METAP1: variants seen among roughly 807,000 people sequenced by gnomAD.
METAP1 encodes methionine aminopeptidase 1.
METAP1 carries 28 observed loss-of-function variants against 53.8 expected under a neutral mutation model. The observed-to-expected ratio is 0.52, with a 90% CI of 0.39 to 0.71. The LOEUF is 0.71. Among genes scored for constraint, METAP1 ranks in the 30% least tolerant of loss-of-function variants. The pLI, the probability that METAP1 is intolerant of heterozygous loss-of-function variation, is 0.00. For synonymous variants in METAP1, 181 were observed against 165.7 expected, an observed-to-expected ratio of 1.09 and a Z score of -0.71; for missense variants, 389 against 479.8, an observed-to-expected ratio of 0.81 and a Z score of 1.77.
At position 99,023,073 on chromosome 4, in the gene METAP1, G is replaced by A. The variant is rs573720810; in HGVS notation, c.115-5794G>A. 235 of 1,329,424 alleles carry A rather than the reference G, an allele frequency of 1.8e-4. 2 individuals are homozygous for A. The highest frequency in any genetic ancestry group is 1.4e-3 in the Middle Eastern group (6 of 4,170). The allele number at this position is 1,329,424 out of a possible 1,614,324, so 82.4% of individuals were successfully genotyped here. ...GCTCCTCCTCCACATCTAGTGTCTG[G>A]TCTGTCCCTTCCAGCGCCTTTGCTC... On this transcript the variant is annotated intron_variant, in intron 1 of 10. Coordinates refer to ENST00000296411, the MANE Select transcript of METAP1 (RefSeq NM_015143.3).
intron 1 of METAP1, chr4:99,025,518 C>G (rs1161446926): frequency 1.1e-6 from 1 of 925,524 alleles, no homozygotes; most frequent in Non-Finnish European, 1.3e-6. Flanking sequence ...AATAACATGG[C>G]TATTTATTTG....
chr4:99,005,115 T>C (rs1311309759), intron 1 of METAP1, among the ~76,000 whole-genome samples: 1 of 152,148 alleles, frequency 6.6e-6, no homozygotes, highest in Non-Finnish European at 1.5e-5. Flanking sequence ...AAAGTGGTTG[T>C]ACTTCAAAAT....
At chr4:99,019,277 G>C (rs1210314260) in intron 1 of METAP1, among the ~76,000 whole-genome samples, 1 of 152,122 alleles carries the variant, frequency 6.6e-6, no homozygotes, top group Non-Finnish European at 1.5e-5. Context: ...TTAATGGTTT[G>C]GTCCCACCTC....
intron 1 of METAP1, among the ~76,000 whole-genome samples, chr4:99,016,112 A>T (rs1378882845): frequency 6.6e-6 from 1 of 152,162 alleles, no homozygotes; most frequent in African/African-American, 2.4e-5. Flanking sequence ...TTGTACTGGG[A>T]ATTCCAAGGG....
intron 9 of METAP1, among the ~76,000 whole-genome samples, chr4:99,056,555 G>GTT (rs200434888): frequency 8.6e-5 from 13 of 151,066 alleles, no homozygotes; most frequent in South Asian, 2.1e-4. Flanking sequence ...TTTGTTTTTT[G>GTT]TTTTTTTTGT....
intron 1 of METAP1, chr4:99,022,417 G>C: frequency 1.4e-6 from 1 of 693,448 alleles, no homozygotes; most frequent in Non-Finnish European, 2.3e-6. Flanking sequence ...GTCCTAGGCA[G>C]TTGCCAGGTG....
intron 1 of METAP1, among the ~76,000 whole-genome samples, chr4:99,003,591 T>A (rs563601094): frequency 2.0e-4 from 30 of 152,346 alleles, no homozygotes; most frequent in Middle Eastern, 3.4e-3. Context: ...TAATTTAATA[T>A]TGCTTTTGAA....
chr4:99,002,843 G>T (rs1424759612), intron 1 of METAP1, among the ~76,000 whole-genome samples: 1 of 152,124 alleles, frequency 6.6e-6, no homozygotes, highest in Non-Finnish European at 1.5e-5. Context: ...GGGAGGCTGA[G>T]GCGGGCAGAT....
At chr4:98,998,188 G>A (rs1722729051) in intron 1 of METAP1, among the ~76,000 whole-genome samples, 1 of 152,164 alleles carries the variant, frequency 6.6e-6, no homozygotes, top group Admixed American at 6.5e-5. Flanking sequence ...CCTTGATCAA[G>A]TCACTGTAAC....
intron 4 of METAP1, among the ~76,000 whole-genome samples, chr4:99,036,453 A>T (rs1400979197): frequency 6.6e-6 from 1 of 152,124 alleles, no homozygotes; most frequent in Non-Finnish European, 1.5e-5. Flanking sequence ...AATTCTAACA[A>T]ATGTTATGCA....
chr4:99,025,461 A>G (rs1724493280), intron 1 of METAP1: 1 of 984,128 alleles, frequency 1.0e-6, no homozygotes, highest in South Asian at 4.7e-5. Flanking sequence ...AATAAGAATT[A>G]CCTACATAGC....
chr4:99,049,799 G>A (rs1726559367), intron 9 of METAP1, among the ~76,000 whole-genome samples: 1 of 152,134 alleles, frequency 6.6e-6, no homozygotes, highest in African/African-American at 2.4e-5. Context: ...AGGATTAAGT[G>A]AGATGATACA....
chr4:99,031,775 C>A, intron 2 of METAP1: 1 of 427,656 alleles, frequency 2.3e-6, no homozygotes, highest in Non-Finnish European at 4.3e-6. Flanking sequence ...TGTCAGCTGA[C>A]CAGAGGAAGC....
intron 8 of METAP1, among the ~76,000 whole-genome samples, chr4:99,047,182 G>A (rs1726329533): frequency 6.6e-6 from 1 of 152,090 alleles, no homozygotes; most frequent in African/African-American, 2.4e-5. Flanking sequence ...GGCTTCTTAA[G>A]TAGGGTTTCT....
chr4:99,024,414 G>C (rs891185793), intron 1 of METAP1, among the ~76,000 whole-genome samples: 5 of 152,148 alleles, frequency 3.3e-5, no homozygotes, highest in African/African-American at 1.2e-4. Flanking sequence ...TGCTACAAGG[G>C]GATCAGAGTT....
intron 10 of METAP1, among the ~76,000 whole-genome samples, chr4:99,059,748 TTC>T (rs1234195637): frequency 1.3e-5 from 2 of 152,078 alleles, no homozygotes; most frequent in African/African-American, 4.8e-5. Context: ...TTTCCCTCCT[TTC>T]TCTGAGTTTT....
chr4:99,040,650 C>T (rs145205970), intron 5 of METAP1, among the ~76,000 whole-genome samples: 1 of 130,882 alleles, frequency 7.6e-6, no homozygotes, highest in East Asian at 2.6e-4. Context: ...GCCACTACAC[C>T]TGACTACTTT....
intron 1 of METAP1, among the ~76,000 whole-genome samples, chr4:99,002,419 A>G (rs1208372604): frequency 6.6e-6 from 1 of 152,216 alleles, no homozygotes; most frequent in African/African-American, 2.4e-5. Context: ...CTGACCTCAC[A>G]GTTTTAACAT....
chr4:98,996,342 T>TG (rs934376615), intron 1 of METAP1, among the ~76,000 whole-genome samples: 1 of 151,990 alleles, frequency 6.6e-6, no homozygotes, highest in Admixed American at 6.5e-5. Flanking sequence ...CCCTGCGGGG[T>TG]GGGGGGCTGA....
Sources: allele counts gnomAD v4.1 joint callset (sites outside exome capture counted in the v4.1 genomes callset), GRCh38; gene constraint gnomAD v4.1.1; transcripts MANE v1.5; gene names NCBI Gene and HGNC (gene_info 2026-07-23, HGNC 2026-07-21).